Variants in SH3GL2 observed in about 807,000 individuals in gnomAD.
The protein encoded by SH3GL2 is endophilin-A1.
In SH3GL2, 24 loss-of-function variants were observed where a neutral mutation model predicts 46.0. The observed-to-expected ratio is 0.52, with a 90% CI of 0.38 to 0.73. The LOEUF is 0.73. Among genes scored for constraint, SH3GL2 ranks in the 30% least tolerant of loss-of-function variants. The probability of loss-of-function intolerance (pLI) is 0.00; values close to 1 mark genes in which losing one functional copy is unlikely to be tolerated. For synonymous variants in SH3GL2, 196 were observed against 147.1 expected (o/e 1.33, Z -2.40); for missense variants, 413 against 424.2 (o/e 0.97, Z 0.23).
intron 1 of SH3GL2, among the ~76,000 whole-genome samples, chr9:17,722,262 G>T (rs532678650): frequency 6.6e-6 from 1 of 152,152 alleles, no homozygotes; most frequent in South Asian, 2.1e-4. Context: ...AAAATCTTCT[G>T]TTTAGTAAGC....
intron 1 of SH3GL2, among the ~76,000 whole-genome samples, chr9:17,743,716 G>A (rs1393609621): frequency 6.6e-6 from 1 of 152,164 alleles, no homozygotes. Flanking sequence ...GAGTGATGCA[G>A]CTACTGTGGT....
At chr9:17,766,419 G>A (rs1383226151) in intron 3 of SH3GL2, among the ~76,000 whole-genome samples, 1 of 152,168 alleles carries the variant, frequency 6.6e-6, no homozygotes, top group African/African-American at 2.4e-5. Context: ...CTATTCTTAC[G>A]ATATTTGTGA....
At chr9:17,682,239 T>C (rs879035153) in intron 1 of SH3GL2, among the ~76,000 whole-genome samples, 2 of 152,188 alleles carry the variant, frequency 1.3e-5, no homozygotes, top group East Asian at 1.9e-4. Flanking sequence ...TAAATCATTC[T>C]ACCCTAAAGA....
intron 3 of SH3GL2, among the ~76,000 whole-genome samples, chr9:17,770,077 T>G (rs983560049): frequency 6.6e-6 from 1 of 152,210 alleles, no homozygotes; most frequent in African/African-American, 2.4e-5. Flanking sequence ...GTAAGTGTCG[T>G]GGTCTGCAGA....
At chr9:17,593,306 A>AACCTGTT (rs1818518211) in intron 1 of SH3GL2, among the ~76,000 whole-genome samples, 1 of 152,202 alleles carries the variant, frequency 6.6e-6, no homozygotes, top group Non-Finnish European at 1.5e-5. Context: ...ATCTGAAGCC[A>AACCTGTT]GTTGTGGGAC....
Position 17,708,542 on chromosome 9 carries a change from A to G in SH3GL2, c.46-38524A>G, listed in dbSNP as rs543997182. Among the ~76,000 whole-genome samples the G allele has an allele frequency of 2.6e-5, 4 of 152,130 alleles. No individual in the cohort carries two copies. In the East Asian group the frequency reaches 7.7e-4, roughly 29 times the overall value. On this transcript the variant is annotated intron_variant, in intron 1 of 8. Transcript: ENST00000380607. ...TTTCTTAGAAATTTGTCAAGTATAT[A>G]TTTAACAAATATATACGATTGCGTT...
intron 1 of SH3GL2, among the ~76,000 whole-genome samples, chr9:17,637,936 C>T (rs970467832): frequency 5.9e-5 from 9 of 152,058 alleles, no homozygotes; most frequent in Non-Finnish European, 1.3e-4. Context: ...GCGGGCGGAT[C>T]ACGAGGTCAG....
At chr9:17,759,824 A>G (rs1305082981) in intron 2 of SH3GL2, among the ~76,000 whole-genome samples, 2 of 152,224 alleles carry the variant, frequency 1.3e-5, no homozygotes, top group Admixed American at 1.3e-4. Context: ...CCTTCTCATC[A>G]TAACTACAGG....
chr9:17,679,479 G>A (rs147805157), intron 1 of SH3GL2, among the ~76,000 whole-genome samples: 2,631 of 152,226 alleles, frequency 0.017, 35 homozygotes, highest in South Asian at 0.031. Flanking sequence ...CATTGATTTT[G>A]TATCCTGAGA....
At chr9:17,662,703 CTTTTT>C (rs559842403) in intron 1 of SH3GL2, among the ~76,000 whole-genome samples, 2 of 96,942 alleles carry the variant, frequency 2.1e-5, no homozygotes, top group Admixed American at 1.3e-4. Flanking sequence ...TTGGCCAAGT[CTTTTT>C]TTTTTTTTTT....
At chr9:17,638,687 C>G (rs564402689) in intron 1 of SH3GL2, among the ~76,000 whole-genome samples, 16 of 152,336 alleles carry the variant, frequency 1.1e-4, no homozygotes, top group Admixed American at 3.9e-4. Context: ...GGCCATACCA[C>G]CAGCCTCTAC....
At chr9:17,662,145 A>G (rs1188852948) in intron 1 of SH3GL2, among the ~76,000 whole-genome samples, 1 of 152,186 alleles carries the variant, frequency 6.6e-6, no homozygotes, top group African/African-American at 2.4e-5. Context: ...TGTAAATGTC[A>G]GTTAGATCCT....
At chr9:17,627,393 C>A (rs893894369) in intron 1 of SH3GL2, among the ~76,000 whole-genome samples, 1 of 152,132 alleles carries the variant, frequency 6.6e-6, no homozygotes, top group African/African-American at 2.4e-5. Context: ...TTGCTGGGTT[C>A]TTCATTCCTG....
chr9:17,732,548 T>C (rs975230941), intron 1 of SH3GL2, among the ~76,000 whole-genome samples: 4 of 152,112 alleles, frequency 2.6e-5, no homozygotes, highest in African/African-American at 7.2e-5. Flanking sequence ...GAGGCATTCA[T>C]ATAAACAACG....
At chr9:17,683,030 G>T (rs150568921) in intron 1 of SH3GL2, among the ~76,000 whole-genome samples, 4 of 151,932 alleles carry the variant, frequency 2.6e-5, no homozygotes, top group Non-Finnish European at 5.9e-5. Context: ...AGAGAATTTC[G>T]GTCATAGAGC....
intron 3 of SH3GL2, among the ~76,000 whole-genome samples, chr9:17,766,786 G>A (rs1029222474): frequency 1.3e-5 from 2 of 151,978 alleles, no homozygotes; most frequent in African/African-American, 2.4e-5. Flanking sequence ...AGTGGTGCCC[G>A]TAATAGACGG....
rs1312315946 is a variant in SH3GL2, at chr9:17,796,424, T to C, written c.*681T>C. On this transcript the variant is annotated 3_prime_UTR_variant, in exon 9 of 9. Coordinates refer to ENST00000380607, the MANE Select transcript of SH3GL2 (RefSeq NM_003026.5). The stretch of plus-strand genomic sequence containing the variant: ...TTTTCAGTAAGACAGTTAATCAGCA[T>C]TATTGTGAGAGGGACTGAAAAGAAA... 2 of 152,260 alleles carry C rather than the reference T, an allele frequency of 1.3e-5. No individual in the cohort carries two copies. Among genetic ancestry groups the C allele is most frequent in the Middle Eastern group, 3.2e-3 (1 of 316 alleles). The allele number at this position is 152,260 out of a possible 1,614,324, so 9.4% of individuals were successfully genotyped here. A position where few individuals can be genotyped will look rare whatever the true frequency, so the allele number is the denominator to read the frequency against.
intron 1 of SH3GL2, among the ~76,000 whole-genome samples, chr9:17,742,566 C>T (rs527941828): frequency 2.4e-4 from 37 of 152,088 alleles, no homozygotes; most frequent in African/African-American, 8.2e-4. Flanking sequence ...GTCTTATTTG[C>T]CTTGATTTAT....
chr9:17,593,239 G>A (rs1029388698), intron 1 of SH3GL2, among the ~76,000 whole-genome samples: 1 of 152,052 alleles, frequency 6.6e-6, no homozygotes, highest in Non-Finnish European at 1.5e-5. Context: ...AGGGAGTTGT[G>A]GGAACCCTGA....
Sources: allele counts gnomAD v4.1 joint callset (sites outside exome capture counted in the v4.1 genomes callset), GRCh38; gene constraint gnomAD v4.1.1; transcripts MANE v1.5; gene names NCBI Gene and HGNC (gene_info 2026-07-23, HGNC 2026-07-21).